The following ENGASE variants were observed in gnomAD, a reference collection of about 807,000 sequenced individuals.
ENGASE encodes the protein cytosolic endo-beta-N-acetylglucosaminidase.
In ENGASE, 69 loss-of-function variants were observed where a neutral mutation model predicts 78.5. The observed-to-expected ratio is 0.88, with a 90% confidence interval of 0.72 to 1.07. The LOEUF is 1.07. Among genes scored for constraint, ENGASE ranks in the 50% least tolerant of loss-of-function variants. The pLI, the probability that ENGASE is intolerant of heterozygous loss-of-function variation, is 0.00. For missense variants in ENGASE, 943 were observed against 988.4 expected, an observed-to-expected ratio of 0.95 and a Z score of 0.62; for synonymous variants, 408 against 408.9, an observed-to-expected ratio of 1.00 and a Z score of 0.03.
At position 79,084,135 on chromosome 17, in the gene ENGASE, G is replaced by C; in HGVS notation, c.1442+184G>C. On this transcript the variant is annotated intron_variant, in intron 10 of 13. Transcript: ENST00000579016. The stretch of plus-strand genomic sequence containing the variant: ...TTCACCATCTTGACCCTGTTGAAGT[G>C]AACGGTACAGGAGTGTTAACTCTGC... 3 of 616,288 alleles carry C rather than the reference G, an allele frequency of 4.9e-6. No individual in the cohort carries two copies. The South Asian group carries it at 6.1e-5, about 13-fold the overall frequency. 38.2% of individuals were successfully genotyped at this position (616,288 alleles called of 1,614,324 possible).
Position 79,085,955 on chromosome 17 carries a change from T to C in ENGASE, c.1838T>C (p.Leu613Pro), listed in dbSNP as rs2073289962. 6.2e-7 allele frequency: 1 copy of C among 1,602,194 alleles called. No individual in the cohort carries two copies. Among genetic ancestry groups the C allele is most frequent in the Non-Finnish European group, 8.5e-7 (1 of 1,177,894 alleles). Reference sequence around the variant, plus strand: ...CAGGTGGTGGACGCTGCCAGCCTGCTGGCCCCTCTGCCCCAGGTGCAGGCC... The same window carrying C: ...CAGGTGGTGGACGCTGCCAGCCTGCCGGCCCCTCTGCCCCAGGTGCAGGCC... Reference protein sequence around the residue: ...EIQVVDAASLLAPLPQVQAVT... With the variant: ...EIQVVDAASLPAPLPQVQAVT... The change falls in exon 14 of 14, where the codon CTG becomes CCG. Residue 613 changes from leucine to proline, a missense_variant. Coordinates refer to ENST00000579016, the MANE Select transcript of ENGASE (RefSeq NM_001042573.3).
chr17:79,080,499 C>G, intron 5 of ENGASE, 135 bp downstream of exon 5: 1 of 947,852 alleles, frequency 1.1e-6, no homozygotes. Flanking sequence ...TTCTCGCCTC[C>G]CAGGCAGTGC....
In ENGASE at chr17:79,085,720, C is replaced by G. The variant is rs1289513564; in HGVS notation, c.1801C>G (p.Leu601Val). ...GGAGGAGGAGAGCTTCACCTGTCGGCTTGGAGAGATCCAGGTGATGCTTCC... is the reference window on the plus strand; with the variant it reads ...GGAGGAGGAGAGCTTCACCTGTCGGGTTGGAGAGATCCAGGTGATGCTTCC... ...SREEESFTCR[L>V]GEIQVVDAAS... The change falls in exon 13 of 14, where the codon CTT (leucine) becomes GTT (valine). Residue 601 changes from leucine to valine, a missense_variant. Physicochemically the swap from Leu to Val is conservative, Grantham distance 32. Coordinates refer to ENST00000579016, the MANE Select transcript of ENGASE (RefSeq NM_001042573.3). The G allele has an allele frequency of 1.9e-6, 3 of 1,613,768 alleles. No individual in the cohort carries two copies. The East Asian group carries it at 6.7e-5, about 36-fold the overall frequency.
At position 79,081,028 on chromosome 17, in the gene ENGASE, A is replaced by C; in HGVS notation, c.827A>C (p.Gln276Pro). The C allele has an allele frequency of 7.4e-6, 12 of 1,612,318 alleles. No individual in the cohort carries two copies. The highest frequency in any genetic ancestry group is 1.0e-5 in the Non-Finnish European group (12 of 1,179,902). The change falls in exon 6 of 14, where the codon CAA (glutamine) becomes CCA (proline). Residue 276 changes from glutamine (Q) to proline (P), a missense_variant. Coordinates refer to ENST00000579016, the MANE Select transcript of ENGASE (RefSeq NM_001042573.3). ...GTGCTCTGGTATGACAGCGTGGTGC[A>C]AAGTGGGCAGCTCAAATGGCAAGAC... ...GLVLWYDSVV[Q>P]SGQLKWQDEL...
At chr17:79,078,771 G>A (rs1599334447) in intron 3 of ENGASE, among the ~76,000 whole-genome samples, 4 of 152,210 alleles carry the variant, frequency 2.6e-5, no homozygotes, top group Admixed American at 6.5e-5. Flanking sequence ...AACCTTGGGC[G>A]CAGCTCACAG....
In ENGASE at chr17:79,081,217, G is replaced by A. The variant is rs1446023619; in HGVS notation, c.872+144G>A. 2.6e-6 allele frequency: 3 copies of A among 1,138,692 alleles called. No homozygotes were observed. The African/African-American group carries it at 4.8e-5, about 18-fold the overall frequency. The allele number at this position is 1,138,692 out of a possible 1,614,324, so 70.5% of individuals were successfully genotyped here. A position where few individuals can be genotyped will look rare whatever the true frequency, so the allele number is the denominator to read the frequency against. ...CTGCATTGGGTAAAAAGAGGGAGAA[G>A]GTGGGCCAGGCGCAGTGGCTCATGT... On this transcript the variant is annotated intron_variant, in intron 6 of 13. Transcript: ENST00000579016.
chr17:79,081,098 A>AG, intron 6 of ENGASE, 25 bp downstream of exon 6: 3 of 666,906 alleles, frequency 4.5e-6, no homozygotes, highest in Non-Finnish European at 5.8e-6. Flanking sequence ...AGGTGCTGTG[A>AG]GGGGGCAGGT....
At position 79,083,630 on chromosome 17, in the gene ENGASE, C is replaced by G. The variant is rs1426955125; in HGVS notation, c.1251+40C>G. ...TCCCTCCGTGTCTGTCCTCTGGCCT[C>G]AGCTGGGACAGGTGGGAGGAGCCTG... On this transcript the variant is annotated intron_variant, in intron 9 of 13. Transcript: ENST00000579016. This position sits in a 1 kb window ranked among gnomAD's most constrained non-coding sequence, Gnocchi z 4.9. 2 of 1,587,442 alleles carry G rather than the reference C, an allele frequency of 1.3e-6. No individual in the cohort carries two copies. Among genetic ancestry groups the G allele is most frequent in the Non-Finnish European group, 1.7e-6 (2 of 1,156,896 alleles).
At position 79,083,932 on chromosome 17, in the gene ENGASE, G is replaced by C. The variant is rs879366405; in HGVS notation, c.1423G>C (p.Val475Leu). The stretch of plus-strand genomic sequence containing the variant: ...CGTCCGGGGTGTGATCCCACCGGAG[G>C]TTGGAAATGTGGCTGTGAGGTGGGT... The part of the protein sequence containing the change: ...LLVRGVIPPE[V>L]GNVAVRLFSL... Residue 475 changes from valine to leucine, a missense_variant, in exon 10 of 14, where the codon GTT becomes CTT. Physicochemically the swap from Val to Leu is conservative, Grantham distance 32. Transcript: ENST00000579016. The surrounding 1 kb of genome is among the most constrained non-coding windows in gnomAD (Gnocchi z 4.9). 6.2e-7 allele frequency: 1 copy of C among 1,610,272 alleles called. No homozygotes were observed. Among genetic ancestry groups the C allele is most frequent in the Non-Finnish European group, 8.5e-7 (1 of 1,179,696 alleles).
Position 79,077,487 on chromosome 17 carries a change from C to T in ENGASE, c.204C>T (p.Asp68=). Residue 68 remains aspartate (D), a synonymous_variant, in exon 2 of 14, where the codon GAC becomes GAT. Coordinates refer to ENST00000579016, the MANE Select transcript of ENGASE (RefSeq NM_001042573.3). ...GAGAGGTGGTCAGTTTTTCCCCGGA[C>T]CCCCTGCCAGGTGAGGAGACAGAGG... ...VFREVVSFSP[D]PLPVRYYDKD... 6.4e-7 allele frequency: 1 copy of T among 1,556,552 alleles called. No individual in the cohort carries two copies. Among genetic ancestry groups the T allele is most frequent in the Non-Finnish European group, 8.7e-7 (1 of 1,155,968 alleles).
rs541406332 is a variant in ENGASE at position 79,081,991 on chromosome 17, G to T, written c.966G>T (p.Arg322=). 2 of 1,614,218 alleles carry T rather than the reference G, an allele frequency of 1.2e-6. No individual in the cohort carries two copies. The highest frequency in any genetic ancestry group is 1.7e-6 in the Non-Finnish European group (2 of 1,180,022). Residue 322 remains arginine (R), a synonymous_variant, in exon 7 of 14, where the codon CGG becomes CGT. Coordinates refer to ENST00000579016, the MANE Select transcript of ENGASE (RefSeq NM_001042573.3). The part of the protein sequence containing the change: ...ERMLGQAGER[R]ADVYVGVDVF... The stretch of plus-strand genomic sequence containing the variant: ...TGCTGGGGCAGGCTGGGGAGCGCCG[G>T]GCTGATGTGTACGTGGGCGTGGATG...
In ENGASE at chr17:79,081,260, T is replaced by TG. The variant is rs1018314171; in HGVS notation, c.872+190dup. 2.6e-5 allele frequency among the ~76,000 whole-genome samples: 4 copies of TG among 152,184 alleles called. 1 individual carries two copies. Among genetic ancestry groups the TG allele is most frequent in the Non-Finnish European group, 5.9e-5 (4 of 68,026 alleles). ...GCTCATGTCTGTAATCCCAGCACTTTGGGACGCCGAGGTGGGCAGATCAAG... is the reference window on the plus strand; with the variant it reads ...GCTCATGTCTGTAATCCCAGCACTTTGGGGACGCCGAGGTGGGCAGATCAAG... On this transcript the variant is annotated intron_variant, in intron 6 of 13. Transcript: ENST00000579016.
In ENGASE at chr17:79,074,934, C is replaced by G. The variant is rs2072928990; in HGVS notation, c.-11C>G. On this transcript the variant is annotated 5_prime_UTR_variant, in exon 1 of 14. Coordinates refer to ENST00000579016, the MANE Select transcript of ENGASE (RefSeq NM_001042573.3). Reference sequence around the variant, plus strand: ...GCCTGCGATTGCCTCTCGGCGTGCGCGGACAGTGTCATGGAGGCCGCGGCG... The same window carrying G: ...GCCTGCGATTGCCTCTCGGCGTGCGGGGACAGTGTCATGGAGGCCGCGGCG... 7.9e-7 allele frequency: 1 copy of G among 1,260,412 alleles called. No individual in the cohort carries two copies. The highest frequency in any genetic ancestry group is 1.5e-5 in the African/African-American group (1 of 65,454). 78.1% of individuals were successfully genotyped at this position (1,260,412 alleles called of 1,614,324 possible).
intron 12 of ENGASE, 110 bp downstream of exon 12, chr17:79,085,452 G>A: frequency 7.5e-7 from 1 of 1,340,032 alleles, no homozygotes; most frequent in Non-Finnish European, 1.0e-6. Context: ...GTTTTGGGCA[G>A]CTCTGAGACA....
chr17:79,082,775 C>T (rs2073179766), intron 7 of ENGASE: 12 of 1,470,314 alleles, frequency 8.2e-6, no homozygotes. Context: ...CAGTTGGGGC[C>T]CAGCCCCTGC....
intron 5 of ENGASE, 94 bp downstream of exon 5, chr17:79,080,458 C>A: frequency 2.0e-6 from 3 of 1,467,724 alleles, no homozygotes; most frequent in Non-Finnish European, 2.8e-6. Flanking sequence ...CGCCCCACGC[C>A]TGGGCTGCAG....
intron 1 of ENGASE, among the ~76,000 whole-genome samples, chr17:79,076,823 G>T (rs1052966379): frequency 2.6e-5 from 4 of 152,162 alleles, no homozygotes; most frequent in African/African-American, 7.2e-5. Context: ...AAGTATTTAT[G>T]TCTGGTCTTT....
chr17:79,081,370 T>C (rs73398101), intron 6 of ENGASE, among the ~76,000 whole-genome samples: 19,878 of 152,012 alleles, frequency 0.13, 2,357 homozygotes, highest in African/African-American at 0.32. Context: ...GGCATGGTGG[T>C]GGGCACCTGT....
In ENGASE at chr17:79,086,748, A is replaced by G. The variant is rs2073324162; in HGVS notation, c.*399A>G. On this transcript the variant is annotated 3_prime_UTR_variant, in exon 14 of 14. Coordinates refer to ENST00000579016, the MANE Select transcript of ENGASE (RefSeq NM_001042573.3). ...TCTTTCCTGCAGATGAAACTATTAG[A>G]AAGGGTCTTAGATTGTGGCAGGTAG... 4 of 365,168 alleles carry G rather than the reference A, an allele frequency of 1.1e-5. No homozygotes were observed. Among genetic ancestry groups the G allele is most frequent in the South Asian group, 8.4e-5 (4 of 47,872 alleles). 22.6% of individuals were successfully genotyped at this position (365,168 alleles called of 1,614,324 possible).
Sources: allele counts gnomAD v4.1 joint callset (sites outside exome capture counted in the v4.1 genomes callset), GRCh38; gene constraint gnomAD v4.1.1; non-coding constraint Gnocchi (gnomAD v3.1); transcripts MANE v1.5; gene names NCBI Gene and HGNC (gene_info 2026-07-23, HGNC 2026-07-21).